Variants in C2CD5 observed in about 807,000 individuals in gnomAD.
C2CD5 encodes the protein C2 domain-containing protein 5.
C2CD5 carries 109 observed loss-of-function variants against 130.3 expected under a neutral mutation model. The ratio of observed to expected loss-of-function variants is 0.84; its 90% CI spans 0.72 to 0.98. The LOEUF (loss-of-function observed/expected upper bound fraction) is 0.98, where lower values mean the gene tolerates loss of function less well. C2CD5 is among the 50% of genes least tolerant of loss of function. The pLI is 0.00. For missense variants in C2CD5, 996 were observed against 1,261.8 expected, an observed-to-expected ratio of 0.79 and a Z score of 3.19; for synonymous variants, 454 against 429.2, an observed-to-expected ratio of 1.06 and a Z score of -0.71.
At position 22,524,593 on chromosome 12, in the gene C2CD5, T is replaced by A; in HGVS notation, c.480A>T (p.Ile160=). 1 of 1,613,242 alleles carries A rather than the reference T, an allele frequency of 6.2e-7. No homozygotes were observed. Among genetic ancestry groups the A allele is most frequent in the Admixed American group, 1.7e-5 (1 of 59,996 alleles). Residue 160 remains isoleucine (I), a synonymous_variant, in exon 6 of 27, where the codon ATA becomes ATT. Coordinates refer to ENST00000446597, the MANE Select transcript of C2CD5 (RefSeq NM_001286176.2). ...TSIPKCYRAV[I]IHGFVEELVV... is the part of the protein sequence containing the mutation. Reference sequence around the variant, plus strand: ...CAAGTTCTTCTACAAATCCATGAATTATCACAGCTCTATAGCATTTTGGAA... The same window carrying A: ...CAAGTTCTTCTACAAATCCATGAATAATCACAGCTCTATAGCATTTTGGAA...
rs1940018246 is a variant in C2CD5 at position 22,457,045 on chromosome 12, G to T, written c.2803C>A (p.Pro935Thr). ...AGATACTTAGTTATTTTTGCTCCAG[G>T]AATAAAAGAAAGAGGTGTCATCTTA... ...VVKMTPLSFI[P>T]GAKITKYLGI... Residue 935 changes from proline to threonine, a missense_variant, in exon 25 of 27, where the codon CCT becomes ACT. Transcript: ENST00000446597. The T allele has an allele frequency of 1.9e-6, 3 of 1,609,288 alleles. No homozygotes were observed. The highest frequency in any genetic ancestry group is 2.5e-6 in the Non-Finnish European group (3 of 1,176,666).
intron 12 of C2CD5, among the ~76,000 whole-genome samples, chr12:22,486,646 T>C: frequency 6.6e-6 from 1 of 152,134 alleles, no homozygotes. Context: ...CCTATACAAA[T>C]GAATGGCTGA....
intron 6 of C2CD5, among the ~76,000 whole-genome samples, chr12:22,524,073 T>C (rs1436193811): frequency 6.6e-6 from 1 of 152,004 alleles, no homozygotes; most frequent in Admixed American, 6.5e-5. Context: ...GGAACTACAG[T>C]ACCTAGGGAG....
Position 22,535,791 on chromosome 12 carries a change from T to C in C2CD5, c.91-447A>G, listed in dbSNP as rs549570326. ...ATCAGGCTGGCAAAGACCAAAAGATTTGAAAACAGAATTGGTGCGGTACTG... is the reference window on the plus strand; with the variant it reads ...ATCAGGCTGGCAAAGACCAAAAGATCTGAAAACAGAATTGGTGCGGTACTG... On this transcript the variant is annotated intron_variant, in intron 2 of 26. Coordinates refer to ENST00000446597, the MANE Select transcript of C2CD5 (RefSeq NM_001286176.2). 4.6e-5 allele frequency among the ~76,000 whole-genome samples: 7 copies of C among 152,274 alleles called. No homozygotes were observed. The South Asian group carries it at 1.2e-3, about 27-fold the overall frequency.
chr12:22,518,136 T>A lies in C2CD5; in HGVS notation c.802A>T (p.Ile268Phe). 6.2e-7 allele frequency: 1 copy of A among 1,613,564 alleles called. No homozygotes were observed. Among genetic ancestry groups the A allele is most frequent in the Non-Finnish European group, 8.5e-7 (1 of 1,179,614 alleles). The change falls in exon 8 of 27, where the codon ATT becomes TTT. Residue 268 changes from isoleucine (I) to phenylalanine (F), a missense_variant and splice_region_variant. By Grantham distance (21) the Ile-to-Phe change is conservative. This residue lies in a region of C2CD5 where 156 missense variants were observed against 165.9 expected (regional missense o/e 0.94). Transcript: ENST00000446597. ...GGATTGGGATCTTCATTGAAGGGAATCCTGCCAGAAGAAGGTGGAGAAATA... is the reference window on the plus strand; with the variant it reads ...GGATTGGGATCTTCATTGAAGGGAAACCTGCCAGAAGAAGGTGGAGAAATA... ...CNSPSKEMKEIPFNEDPNPNT... is the reference protein window; with the variant it reads ...CNSPSKEMKEFPFNEDPNPNT...
intron 4 of C2CD5, among the ~76,000 whole-genome samples, chr12:22,527,338 T>C (rs1174043443): frequency 6.9e-6 from 1 of 145,390 alleles, no homozygotes; most frequent in Non-Finnish European, 1.5e-5. Context: ...ATATTTTTTT[T>C]TTTTTTTTTT....
intron 5 of C2CD5, among the ~76,000 whole-genome samples, chr12:22,525,242 G>C (rs951247797): frequency 1.8e-4 from 27 of 152,232 alleles, no homozygotes; most frequent in African/African-American, 6.3e-4. Flanking sequence ...TGATCACCAA[G>C]ATCTGCCCAT....
At chr12:22,509,825 C>T (rs1948989656) in intron 9 of C2CD5, among the ~76,000 whole-genome samples, 1 of 152,176 alleles carries the variant, frequency 6.6e-6, no homozygotes, top group Non-Finnish European at 1.5e-5. Context: ...AAGCAACAAA[C>T]TTTATCATCT....
chr12:22,533,563 C>T (rs746038372), intron 3 of C2CD5, among the ~76,000 whole-genome samples: 8 of 151,994 alleles, frequency 5.3e-5, no homozygotes, highest in Non-Finnish European at 1.0e-4. Context: ...GGTGGCTGGG[C>T]GCAACATAAA....
chr12:22,532,139 T>G (rs1951337892), intron 3 of C2CD5, among the ~76,000 whole-genome samples: 1 of 152,068 alleles, frequency 6.6e-6, no homozygotes, highest in African/African-American at 2.4e-5. Flanking sequence ...GAGAACAGCT[T>G]GACCAACATG....
At chr12:22,500,531 T>TAAA (rs1947631675) in intron 10 of C2CD5, among the ~76,000 whole-genome samples, 1 of 152,140 alleles carries the variant, frequency 6.6e-6, no homozygotes, top group African/African-American at 2.4e-5. Context: ...CAAGCCTTCT[T>TAAA]CTTTAACTCT....
At chr12:22,518,260 G>A in intron 7 of C2CD5, 123 bp from the exon 8 acceptor site, 1 of 886,006 alleles carries the variant, frequency 1.1e-6, no homozygotes, top group Non-Finnish European at 1.9e-6. Context: ...TACGTGTGGA[G>A]CTGGGAATGA....
intron 10 of C2CD5, chr12:22,497,437 T>C (rs1469687559): frequency 6.2e-6 from 1 of 161,096 alleles, no homozygotes; most frequent in Non-Finnish European, 1.3e-5. Context: ...AAAATAAAAA[T>C]TATTTTTAAA....
At chr12:22,475,652 A>G (rs1317152248) in intron 15 of C2CD5, among the ~76,000 whole-genome samples, 2 of 152,174 alleles carry the variant, frequency 1.3e-5, no homozygotes, top group Non-Finnish European at 2.9e-5. Context: ...ATTGTACATA[A>G]AATTTTTCAA....
chr12:22,524,689 G>T, intron 5 of C2CD5, 62 bp from the exon 6 acceptor site: 2 of 1,278,856 alleles, frequency 1.6e-6, no homozygotes, highest in Non-Finnish European at 2.2e-6. Context: ...TTTAAAAAAT[G>T]TACATCTCAA....
chr12:22,492,420 CT>C (rs1294960389), intron 11 of C2CD5, among the ~76,000 whole-genome samples: 1 of 152,078 alleles, frequency 6.6e-6, no homozygotes, highest in Non-Finnish European at 1.5e-5. Flanking sequence ...AAGTTGTGAT[CT>C]GAGAGTAAAA....
intron 23 of C2CD5, 57 bp from the exon 24 acceptor site, chr12:22,458,642 T>TC: frequency 1.5e-6 from 1 of 671,848 alleles, no homozygotes; most frequent in South Asian, 6.5e-5. Context: ...ATGGATGATG[T>TC]CTCTTACTCG....
At chr12:22,484,919 C>A in intron 12 of C2CD5, 31 bp from the exon 13 acceptor site, 1 of 1,140,100 alleles carries the variant, frequency 8.8e-7, no homozygotes, top group Admixed American at 3.1e-5. Flanking sequence ...ATAAGATATT[C>A]TTTAAAAATG....
chr12:22,497,649 A>C (rs955564334), intron 10 of C2CD5: 23 of 889,798 alleles, frequency 2.6e-5, no homozygotes, highest in Admixed American at 6.2e-5. Context: ...GAAATTAGAG[A>C]GTTCAGGTTC....
Sources: allele counts gnomAD v4.1 joint callset (sites outside exome capture counted in the v4.1 genomes callset), GRCh38; gene constraint gnomAD v4.1.1; regional missense constraint gnomAD v4.1.1; transcripts MANE v1.5; gene names NCBI Gene and HGNC (gene_info 2026-07-23, HGNC 2026-07-21).